The following LIMK2 variants were observed in gnomAD, a reference collection of about 807,000 sequenced individuals.
The protein encoded by LIMK2 is LIM domain kinase 2.
In LIMK2, 35 loss-of-function variants were observed where a neutral mutation model predicts 75.7. The ratio of observed to expected loss-of-function variants is 0.46; its 90% CI spans 0.35 to 0.61. LIMK2 has a LOEUF of 0.61. LIMK2 is among the 20% of genes least tolerant of loss of function. The pLI is 0.00. For missense variants in LIMK2, 623 were observed against 831.0 expected (o/e 0.75, Z 3.08); for synonymous variants, 301 against 319.2 (o/e 0.94, Z 0.61).
At chr22:31,234,738 A>T (rs933671374) in intron 2 of LIMK2, among the ~76,000 whole-genome samples, 2 of 151,470 alleles carry the variant, frequency 1.3e-5, no homozygotes, top group Admixed American at 1.3e-4. Flanking sequence ...AAAAAAAAAA[A>T]AAAATTCCTT....
chr22:31,257,040 A>ATTTTTTTTTTTTTTTT (rs529919320), intron 2 of LIMK2, among the ~76,000 whole-genome samples: 26 of 75,074 alleles, frequency 3.5e-4, no homozygotes, highest in East Asian at 8.2e-4. Flanking sequence ...GGAGCTATAG[A>ATTTTTTTTTTTTTTTT]TTTTTTTTTT....
chr22:31,240,754 C>T (rs1221464732), intron 2 of LIMK2, among the ~76,000 whole-genome samples: 1 of 152,104 alleles, frequency 6.6e-6, no homozygotes, highest in Non-Finnish European at 1.5e-5. Context: ...AACGTGAGCA[C>T]CACTGCCGCG....
At chr22:31,275,105 G>T (rs1163600165) in intron 14 of LIMK2, 46 bp from the exon 15 acceptor site, 1 of 1,590,588 alleles carries the variant, frequency 6.3e-7, no homozygotes, top group Non-Finnish European at 8.6e-7. Context: ...CCAAGTATCT[G>T]TGGCCTCTGT....
rs754969174 is a variant in LIMK2, at chr22:31,278,463, G to T, written c.*22G>T. ...CTAGCCCTGGCCCAGCCCCCTGCAG[G>T]GGGGTGTTCTACAGCCAGCATTGCC... On this transcript the variant is annotated 3_prime_UTR_variant, in exon 16 of 16. Coordinates refer to ENST00000331728, the MANE Select transcript of LIMK2 (RefSeq NM_005569.4). The T allele has an allele frequency of 4.4e-6, 7 of 1,582,636 alleles. No homozygotes were observed.
At chr22:31,270,315 A>C (rs1206184350) in intron 11 of LIMK2, among the ~76,000 whole-genome samples, 1 of 152,184 alleles carries the variant, frequency 6.6e-6, no homozygotes, top group African/African-American at 2.4e-5. Context: ...CAGACACACA[A>C]GAGTCTCAGG....
intron 1 of LIMK2, among the ~76,000 whole-genome samples, chr22:31,221,917 C>T (rs1051509584): frequency 2.0e-5 from 3 of 152,206 alleles, no homozygotes; most frequent in South Asian, 2.1e-4. Flanking sequence ...ATGACTGAAG[C>T]GGGTCCATTG....
intron 2 of LIMK2, among the ~76,000 whole-genome samples, chr22:31,246,940 CT>C (rs1465055631): frequency 6.6e-6 from 1 of 152,112 alleles, no homozygotes; most frequent in African/African-American, 2.4e-5. Flanking sequence ...AACACAGGGC[CT>C]AGAAGATATT....
intron 2 of LIMK2, among the ~76,000 whole-genome samples, chr22:31,254,751 G>T (rs2048760345): frequency 6.6e-6 from 1 of 152,160 alleles, no homozygotes. Flanking sequence ...TTGAGGTCGG[G>T]AGTTCGAGAC....
intron 2 of LIMK2, among the ~76,000 whole-genome samples, chr22:31,227,136 A>T (rs1364356515): frequency 4.6e-5 from 7 of 152,228 alleles, no homozygotes; most frequent in Non-Finnish European, 8.8e-5. Context: ...CAAGGGTGGG[A>T]ACTTGTCTTT....
intron 2 of LIMK2, among the ~76,000 whole-genome samples, chr22:31,237,549 C>A (rs1256458467): frequency 6.7e-6 from 1 of 148,994 alleles, no homozygotes; most frequent in African/African-American, 2.5e-5. Flanking sequence ...AGTGAGATTC[C>A]GTCTCAAAAA....
At chr22:31,234,679 C>T (rs1363023978) in intron 2 of LIMK2, among the ~76,000 whole-genome samples, 3 of 148,906 alleles carry the variant, frequency 2.0e-5, no homozygotes, top group Non-Finnish European at 4.4e-5. Flanking sequence ...CCAGATCACG[C>T]CACTGCACTC....
chr22:31,277,571 A>T, intron 15 of LIMK2: 5 of 990,868 alleles, frequency 5.0e-6, no homozygotes, highest in Non-Finnish European at 6.0e-6. Flanking sequence ...GCTACACAGT[A>T]TTTGTTTTCT....
At chr22:31,261,962 C>G (rs895458523) in intron 5 of LIMK2, among the ~76,000 whole-genome samples, 172 bp from the exon 6 acceptor site, 4 of 152,216 alleles carry the variant, frequency 2.6e-5, no homozygotes, top group Non-Finnish European at 5.9e-5. Context: ...TGGCAATTCC[C>G]TTCACTGAGA....
intron 1 of LIMK2, among the ~76,000 whole-genome samples, chr22:31,216,080 A>C (rs914819523): frequency 5.9e-5 from 9 of 152,324 alleles, no homozygotes; most frequent in Non-Finnish European, 1.0e-4. Context: ...AAATCCATTG[A>C]AGAGAAGTGA....
intron 2 of LIMK2, among the ~76,000 whole-genome samples, chr22:31,243,802 A>C (rs138062062): frequency 6.6e-6 from 1 of 152,292 alleles, no homozygotes; most frequent in African/African-American, 2.4e-5. Context: ...CAAGGGTGGG[A>C]GGGTGAAATA....
chr22:31,250,565 T>TG (rs2048715311), intron 2 of LIMK2, among the ~76,000 whole-genome samples: 1 of 149,504 alleles, frequency 6.7e-6, no homozygotes, highest in Non-Finnish European at 1.5e-5. Context: ...TGACTGACTT[T>TG]CGTAGACATT....
chr22:31,271,068 C>A (rs2048951371), intron 11 of LIMK2, 68 bp from the exon 12 acceptor site: 1 of 1,446,314 alleles, frequency 6.9e-7, no homozygotes, highest in African/African-American at 1.4e-5. Flanking sequence ...ATCTATGGCG[C>A]CCAATTCCAG....
intron 12 of LIMK2, among the ~76,000 whole-genome samples, chr22:31,271,642 G>A (rs1298612478): frequency 6.6e-6 from 1 of 152,082 alleles, no homozygotes; most frequent in African/African-American, 2.4e-5. Context: ...AGCTGTGGTG[G>A]TTACAATGTT....
intron 1 of LIMK2, among the ~76,000 whole-genome samples, chr22:31,216,818 C>T (rs749883510): frequency 3.3e-5 from 5 of 152,062 alleles, no homozygotes; most frequent in African/African-American, 4.8e-5. Context: ...TAACCTTGAG[C>T]GGGTCTGATA....
Sources: gnomAD v4.1 joint callset for allele counts (sites outside exome capture counted in the v4.1 genomes callset) on GRCh38, gnomAD v4.1.1 for gene constraint, MANE v1.5 for transcripts, NCBI Gene and HGNC (gene_info 2026-07-23, HGNC 2026-07-21) for gene names.